Variants in DNAH12 observed in about 807,000 individuals in gnomAD.
The protein encoded by DNAH12 is axonemal beta dynein heavy chain 12.
Under a neutral mutation model 371.5 loss-of-function variants are expected in DNAH12, and 285 were observed. That is an observed-to-expected ratio of 0.77 (90% CI 0.70 to 0.85). The LOEUF (loss-of-function observed/expected upper bound fraction) is 0.85, where lower values mean the gene tolerates loss of function less well. Ranked by LOEUF, DNAH12 falls within the 40% of genes least tolerant of loss-of-function variation. The probability of loss-of-function intolerance (pLI) is 0.00; values close to 1 mark genes in which losing one functional copy is unlikely to be tolerated. For synonymous variants in DNAH12, 1,200 were observed against 1,213.0 expected, an observed-to-expected ratio of 0.99 and a Z score of 0.22; for missense variants, 3,611 against 3,689.4, an observed-to-expected ratio of 0.98 and a Z score of 0.55.
chr3:57,516,856 A>G lies in DNAH12; in HGVS notation c.280-5877T>C, dbSNP rs1052187873. Among the ~76,000 whole-genome samples the G allele has an allele frequency of 3.9e-5, 6 of 152,174 alleles. No individual in the cohort carries two copies. The South Asian group carries it at 1.0e-3, about 26-fold the overall frequency. ...TTATCCCCATGGGTAGAATCCTCCA[A>G]TGACTTCCAATTGCCACTCTGAGTA... On this transcript the variant is annotated intron_variant, in intron 4 of 73. Coordinates refer to ENST00000495027, the MANE Select transcript of DNAH12 (RefSeq NM_001366028.2).
intron 11 of DNAH12, among the ~76,000 whole-genome samples, chr3:57,492,632 A>G (rs1370346766): frequency 5.3e-5 from 8 of 152,184 alleles, no homozygotes; most frequent in African/African-American, 1.9e-4. Flanking sequence ...ATTTTTAAAT[A>G]GTTATATAAA....
chr3:57,547,319 C>A (rs1226916730), upstream of DNAH12, among the ~76,000 whole-genome samples: 9 of 145,940 alleles, frequency 6.2e-5, no homozygotes, highest in Non-Finnish European at 9.0e-5. Flanking sequence ...TTTTTTTTTA[C>A]TTTAAAAAAA....
At chr3:57,346,291 A>G (rs898128966) in intron 60 of DNAH12, among the ~76,000 whole-genome samples, 42 of 152,312 alleles carry the variant, frequency 2.8e-4, no homozygotes, top group Admixed American at 2.5e-3. Context: ...CCACAGTGTT[A>G]TAAGGCACGG....
In DNAH12 at chr3:57,507,675, A is replaced by G; in HGVS notation, c.865T>C (p.Tyr289His). 1 of 1,609,394 alleles carries G rather than the reference A, an allele frequency of 6.2e-7. No homozygotes were observed. Among genetic ancestry groups the G allele is most frequent in the South Asian group, 1.1e-5 (1 of 89,660 alleles). ...GVKPEKLDAFYSCVSTLMSNQ... is the reference protein window; with the variant it reads ...GVKPEKLDAFHSCVSTLMSNQ... ...GACATAAGTGTGGAAACACAGCTAT[A>G]AAATGCATCCAATTTTTCAGGTTTA... The change falls in exon 8 of 74, where the codon TAT (tyrosine) becomes CAT (histidine). Residue 289 changes from tyrosine to histidine, a missense_variant. Transcript: ENST00000495027.
chr3:57,550,606 G>A, the DNAH12 span, among the ~76,000 whole-genome samples: 14 of 151,924 alleles, frequency 9.2e-5, no homozygotes, highest in South Asian at 4.2e-4. Flanking sequence ...TCCCCCTCCC[G>A]GGTTCAAGCG....
intron 2 of DNAH12, among the ~76,000 whole-genome samples, chr3:57,525,423 T>A (rs1318452737): frequency 6.6e-6 from 1 of 152,148 alleles, no homozygotes; most frequent in African/African-American, 2.4e-5. Context: ...TATCAAGCTG[T>A]ACCCATGGTA....
intron 43 of DNAH12, 119 bp downstream of exon 43, chr3:57,403,190 G>T: frequency 1.9e-6 from 2 of 1,033,474 alleles, no homozygotes; most frequent in Non-Finnish European, 1.4e-6. Context: ...TCTATGGACA[G>T]TATTAGCATC....
chr3:57,338,259 G>A (rs547986469), intron 60 of DNAH12, among the ~76,000 whole-genome samples: 19 of 152,346 alleles, frequency 1.2e-4, no homozygotes, highest in African/African-American at 2.2e-4. Context: ...TGATCTGCCC[G>A]CCTCGGCCTC....
In DNAH12 at chr3:57,523,873, G is replaced by A; in HGVS notation, c.182C>T (p.Ala61Val). ...QKINQLVIDG[A>V]KRNLDRTLGK... ...CAGTGTTCTGTCTAAATTTCTTTTG[G>A]CTCCATCAATTCTGAAATTTATAGT... is the stretch of plus-strand genomic sequence containing the variant. Residue 61 changes from alanine (A) to valine (V), a missense_variant, in exon 3 of 74, where the codon GCC (alanine) becomes GTC (valine). Physicochemically the swap from Ala to Val is moderately conservative, Grantham distance 64. Around this residue, in one of 3 missense-constraint regions of DNAH12, gnomAD observed 1,314 missense variants for 1,398.7 expected, o/e 0.94. Transcript: ENST00000495027. 19 of 1,597,938 alleles carry A rather than the reference G, an allele frequency of 1.2e-5. No homozygotes were observed. Among genetic ancestry groups the A allele is most frequent in the South Asian group, 2.3e-5 (2 of 87,726 alleles).
At chr3:57,345,205 G>T (rs369010933) in intron 60 of DNAH12, among the ~76,000 whole-genome samples, 2 of 152,074 alleles carry the variant, frequency 1.3e-5, no homozygotes, top group Non-Finnish European at 2.9e-5. Flanking sequence ...GTCTGAAATG[G>T]TGGGTAACCA....
intron 57 of DNAH12, among the ~76,000 whole-genome samples, chr3:57,364,298 T>C (rs1025630933): frequency 2.0e-5 from 3 of 152,156 alleles, no homozygotes; most frequent in Non-Finnish European, 4.4e-5. Flanking sequence ...AGTTATGACA[T>C]GGTTCCATAT....
chr3:57,295,325 C>G (rs981363314), intron 73 of DNAH12, among the ~76,000 whole-genome samples, 200 bp downstream of exon 73: 1 of 152,122 alleles, frequency 6.6e-6, no homozygotes, highest in African/African-American at 2.4e-5. Context: ...AAAAAAGCAG[C>G]ATGGTATTCC....
Position 57,483,448 on chromosome 3 carries a change from C to G in DNAH12, c.1578G>C (p.Glu526Asp), listed in dbSNP as rs908338153. ...HALKVPETTE[E>D]MMDLISYVEK... is the part of the protein sequence containing the mutation. ...CTACATAAGATATCAGATCCATCAT[C>G]TCTTCTGTTGTTTCAGGGACTTTTA... The change falls in exon 13 of 74, where the codon GAG becomes GAC. Residue 526 changes from glutamate to aspartate, a missense_variant. Physicochemically the swap from Glu to Asp is conservative, Grantham distance 45. This residue lies in a region of DNAH12 where 1,314 missense variants were observed against 1,398.7 expected (regional missense o/e 0.94). Transcript: ENST00000495027. 2 of 1,551,350 alleles carry G rather than the reference C, an allele frequency of 1.3e-6. No individual in the cohort carries two copies. The highest frequency in any genetic ancestry group is 2.7e-5 in the African/African-American group (2 of 73,020).
At chr3:57,528,076 G>A (rs976799831) in intron 2 of DNAH12, among the ~76,000 whole-genome samples, 2 of 151,882 alleles carry the variant, frequency 1.3e-5, no homozygotes, top group East Asian at 2.0e-4. Context: ...TTGCCCAGGC[G>A]GGAGGGCAAT....
intron 12 of DNAH12, among the ~76,000 whole-genome samples, chr3:57,484,541 A>G (rs2066861712): frequency 6.6e-6 from 1 of 152,172 alleles, no homozygotes; most frequent in Admixed American, 6.6e-5. Flanking sequence ...AATCTCCTCA[A>G]GACGGATCAA....
chr3:57,545,106 T>C (rs147045823), upstream of DNAH12, among the ~76,000 whole-genome samples: 41 of 152,074 alleles, frequency 2.7e-4, no homozygotes, highest in East Asian at 6.8e-3. Context: ...CCTGGTAGTT[T>C]GTAAAAGCAA....
chr3:57,397,018 C>A (rs989863828), intron 43 of DNAH12, among the ~76,000 whole-genome samples: 14 of 152,006 alleles, frequency 9.2e-5, no homozygotes, highest in Non-Finnish European at 2.1e-4. Flanking sequence ...TAGTGAGAGT[C>A]CATCTCAAAA....
chr3:57,406,894 CAAAA>C (rs1366556125), intron 40 of DNAH12, among the ~76,000 whole-genome samples: 20 of 151,966 alleles, frequency 1.3e-4, no homozygotes, highest in Admixed American at 4.6e-4. Flanking sequence ...AAAAGGAAAA[CAAAA>C]AAACTTTTTT....
chr3:57,504,193 T>C lies in DNAH12; in HGVS notation c.909A>G (p.Leu303=), dbSNP rs773057852. 1 of 1,610,680 alleles carries C rather than the reference T, an allele frequency of 6.2e-7. No homozygotes were observed. Among genetic ancestry groups the C allele is most frequent in the East Asian group, 2.2e-5 (1 of 44,810 alleles). ...STLMSNQLKD[L]LRRTVEGFVK... The stretch of plus-strand genomic sequence containing the variant: ...CAAATCCTTCTACAGTTCTCCTTAA[T>C]AGATCCTTTAGCTGCGTGATATAAA... Residue 303 remains leucine, a synonymous_variant, in exon 9 of 74, where the codon CTA becomes CTG. Transcript: ENST00000495027.
Sources: gnomAD v4.1 joint callset for allele counts (sites outside exome capture counted in the v4.1 genomes callset) on GRCh38, gnomAD v4.1.1 for gene constraint, gnomAD v4.1.1 regional missense constraint, MANE v1.5 for transcripts, NCBI Gene and HGNC (gene_info 2026-07-23, HGNC 2026-07-21) for gene names.